ZNF626: variants seen among roughly 807,000 people sequenced by gnomAD.
ZNF626 encodes CTC-513N18.7.
Under a neutral mutation model 11.7 loss-of-function variants are expected in ZNF626, and 4 were observed. The ratio of observed to expected loss-of-function variants is 0.34; its 90% CI spans 0.17 to 0.78. The LOEUF (loss-of-function observed/expected upper bound fraction) is 0.78. Among genes scored for constraint, ZNF626 ranks in the 30% least tolerant of loss-of-function variants. The pLI is 0.57. For missense variants in ZNF626, 588 were observed against 587.1 expected, an observed-to-expected ratio of 1.00 and a Z score of -0.01; for synonymous variants, 179 against 198.6, an observed-to-expected ratio of 0.90 and a Z score of 0.83.
At chr19:20,656,501 C>G (rs781909991) in intron 1 of ZNF626, among the ~76,000 whole-genome samples, 1 of 152,062 alleles carries the variant, frequency 6.6e-6, no homozygotes, top group East Asian at 1.9e-4. Flanking sequence ...CTCAAACAAA[C>G]AACCTACAGA....
chr19:20,645,264 CA>C lies in ZNF626; in HGVS notation c.226+419del, dbSNP rs1555771777. On this transcript the variant is annotated intron_variant, in intron 3 of 3. Transcript: ENST00000601440. Reference sequence around the variant, plus strand: ...GAAAAATGAACAAAAAAAAATTCAACAGAAACTATTACTCTCAGACATTTCA... The same window carrying C: ...GAAAAATGAACAAAAAAAAATTCAACGAAACTATTACTCTCAGACATTTCA... 5 of 1,431,132 alleles carry C rather than the reference CA, an allele frequency of 3.5e-6. No homozygotes were observed. The African/African-American group carries it at 5.9e-5, about 17-fold the overall frequency. 88.7% of individuals were successfully genotyped at this position (1,431,132 alleles called of 1,614,324 possible).
rs7254084 is a variant in ZNF626, at chr19:20,633,918, C to T, written c.227-8268G>A. Among the ~76,000 whole-genome samples, 1,244 of 152,264 alleles carry T rather than the reference C, an allele frequency of 8.2e-3. 26 individuals are homozygous for T. The highest frequency in any genetic ancestry group is 0.029 in the African/African-American group (1,205 of 41,540). ...GCTGTTGACCAGAGCTGTTCCTATT[C>T]GGCCATCTTGGCTCCTCCCCCCTCA... On this transcript the variant is annotated intron_variant, in intron 3 of 3. Coordinates refer to ENST00000601440, the MANE Select transcript of ZNF626 (RefSeq NM_001076675.3).
At position 20,624,122 on chromosome 19, in the gene ZNF626, A is replaced by G. The variant is rs782041645; in HGVS notation, c.*168T>C. 5 of 1,090,110 alleles carry G rather than the reference A, an allele frequency of 4.6e-6. No homozygotes were observed. The highest frequency in any genetic ancestry group is 7.0e-6 in the Non-Finnish European group (5 of 710,356). 67.5% of individuals were successfully genotyped at this position (1,090,110 alleles called of 1,614,324 possible). On this transcript the variant is annotated 3_prime_UTR_variant, in exon 4 of 4. Transcript: ENST00000601440. ...CTGTAGGGTTTCTCTCCAGTATGAAATCTCTTATGTGTAGTAAGTTTAGAG... is the reference window on the plus strand; with the variant it reads ...CTGTAGGGTTTCTCTCCAGTATGAAGTCTCTTATGTGTAGTAAGTTTAGAG...
At chr19:20,661,196 G>C (rs1279414116) in intron 1 of ZNF626, among the ~76,000 whole-genome samples, 1 of 151,542 alleles carries the variant, frequency 6.6e-6, no homozygotes, top group African/African-American at 2.4e-5. Context: ...TGCGGGTGCA[G>C]AGCTGCCCAG....
At chr19:20,631,381 T>C (rs574682910) in intron 3 of ZNF626, among the ~76,000 whole-genome samples, 1 of 152,332 alleles carries the variant, frequency 6.6e-6, no homozygotes, top group Non-Finnish European at 1.5e-5. Flanking sequence ...ACGTTGACAG[T>C]GCAGTGTTAA....
At chr19:20,646,001 A>C (rs1369636434) in intron 2 of ZNF626, among the ~76,000 whole-genome samples, 1 of 152,202 alleles carries the variant, frequency 6.6e-6, no homozygotes, top group Non-Finnish European at 1.5e-5. Flanking sequence ...GGTGGCAATT[A>C]GATTTTCAGG....
chr19:20,645,799 T>C lies in ZNF626; in HGVS notation c.131-20A>G. The stretch of plus-strand genomic sequence containing the variant: ...TAATACCTGTTTTATTAAAAATAAA[T>C]AACATAAATCTTGCTTATGTTCTCC... On this transcript the variant is annotated intron_variant, in intron 2 of 3. Coordinates refer to ENST00000601440, the MANE Select transcript of ZNF626 (RefSeq NM_001076675.3). 2 of 1,588,370 alleles carry C rather than the reference T, an allele frequency of 1.3e-6. No homozygotes were observed. Among genetic ancestry groups the C allele is most frequent in the South Asian group, 2.3e-5 (2 of 87,418 alleles).
chr19:20,643,806 G>GC (rs1249697572), intron 3 of ZNF626, among the ~76,000 whole-genome samples: 4 of 152,162 alleles, frequency 2.6e-5, no homozygotes, highest in African/African-American at 9.6e-5. Context: ...TGGTTATGTA[G>GC]CAAGACGTCA....
chr19:20,626,568 A>T (rs1969835752), intron 3 of ZNF626, among the ~76,000 whole-genome samples: 1 of 151,756 alleles, frequency 6.6e-6, no homozygotes, highest in East Asian at 2.0e-4. Context: ...AAATACAAAA[A>T]CTAGCTGGGC....
intron 1 of ZNF626, among the ~76,000 whole-genome samples, chr19:20,656,896 C>G (rs1970211212): frequency 6.6e-6 from 1 of 152,048 alleles, no homozygotes; most frequent in Admixed American, 6.6e-5. Context: ...TGATTCCTCA[C>G]AGAACTAAAA....
chr19:20,631,484 T>C (rs1407191822), intron 3 of ZNF626, among the ~76,000 whole-genome samples: 1 of 151,758 alleles, frequency 6.6e-6, no homozygotes, highest in Non-Finnish European at 1.5e-5. Flanking sequence ...ATTGGGTGCA[T>C]ATATATTTAG....
intron 1 of ZNF626, among the ~76,000 whole-genome samples, chr19:20,660,424 T>C (rs890515529): frequency 6.6e-6 from 1 of 152,024 alleles, no homozygotes; most frequent in Non-Finnish European, 1.5e-5. Context: ...TTAAGATGCT[T>C]ACTTTTTTTT....
At chr19:20,634,437 C>G (rs1194970219) in intron 3 of ZNF626, among the ~76,000 whole-genome samples, 1 of 152,130 alleles carries the variant, frequency 6.6e-6, no homozygotes, top group Non-Finnish European at 1.5e-5. Flanking sequence ...TTTTTTAAAA[C>G]TGAAATTTTA....
intron 1 of ZNF626, among the ~76,000 whole-genome samples, chr19:20,649,934 C>A (rs557475910): frequency 6.6e-6 from 1 of 152,216 alleles, no homozygotes; most frequent in African/African-American, 2.4e-5. Context: ...ATAAGGACAA[C>A]CCATCTCCAT....
intron 3 of ZNF626, among the ~76,000 whole-genome samples, chr19:20,642,124 AC>A (rs1876723810): frequency 6.6e-6 from 1 of 152,226 alleles, no homozygotes; most frequent in African/African-American, 2.4e-5. Flanking sequence ...ATAAGCCATA[AC>A]TAAAACTGGG....
rs1258634478 is a variant in ZNF626 at position 20,621,400 on chromosome 19, C to A, written c.*2890G>T. 6.6e-6 allele frequency: 1 copy of A among 152,140 alleles called. No individual in the cohort carries two copies. The highest frequency in any genetic ancestry group is 1.9e-4 in the East Asian group (1 of 5,186). The allele number at this position is 152,140 out of a possible 1,614,324, so 9.4% of individuals were successfully genotyped here. A position where few individuals can be genotyped will look rare whatever the true frequency, so the allele number is the denominator to read the frequency against. On this transcript the variant is annotated 3_prime_UTR_variant, in exon 4 of 4. Coordinates refer to ENST00000601440, the MANE Select transcript of ZNF626 (RefSeq NM_001076675.3). The stretch of plus-strand genomic sequence containing the variant: ...CCTACCAAAGTGCTGGGATTACAGG[C>A]ATGAGCCACTGCGTCCAGCCCATAT...
At position 20,622,387 on chromosome 19, in the gene ZNF626, A is replaced by AG. The variant is rs1969767520; in HGVS notation, c.*1902dup. 1 of 152,192 alleles carries AG rather than the reference A, an allele frequency of 6.6e-6. No individual in the cohort carries two copies. Among genetic ancestry groups the AG allele is most frequent in the Admixed American group, 6.6e-5 (1 of 15,264 alleles). 9.4% of individuals were successfully genotyped at this position (152,192 alleles called of 1,614,324 possible). A position where few individuals can be genotyped will look rare whatever the true frequency, so the allele number is the denominator to read the frequency against. ...ACCTACCTTAAACATTACTTAATATAGGTTAACTACAATGAGCCTCTCCAC... is the reference window on the plus strand; with the variant it reads ...ACCTACCTTAAACATTACTTAATATAGGGTTAACTACAATGAGCCTCTCCAC... On this transcript the variant is annotated 3_prime_UTR_variant, in exon 4 of 4. Transcript: ENST00000601440.
chr19:20,638,696 T>A (rs8100262), intron 3 of ZNF626, among the ~76,000 whole-genome samples: 1 of 151,636 alleles, frequency 6.6e-6, no homozygotes, highest in African/African-American at 2.4e-5. Flanking sequence ...ATGACAAAGT[T>A]AGTTGATGTA....
intron 1 of ZNF626, among the ~76,000 whole-genome samples, chr19:20,655,601 C>A (rs964429563): frequency 2.6e-5 from 4 of 152,030 alleles, no homozygotes; most frequent in Non-Finnish European, 5.9e-5. Context: ...AGAAAAATAT[C>A]TACATATATT....
Sources: gnomAD v4.1 joint callset for allele counts (sites outside exome capture counted in the v4.1 genomes callset) on GRCh38, gnomAD v4.1.1 for gene constraint, MANE v1.5 for transcripts, NCBI Gene and HGNC (gene_info 2026-07-23, HGNC 2026-07-21) for gene names.